The following BICD1 variants were observed in gnomAD, a reference collection of about 807,000 sequenced individuals.
The protein encoded by BICD1 is BICD cargo adaptor 1.
Under a neutral mutation model 92.5 loss-of-function variants are expected in BICD1, and 35 were observed. The ratio of observed to expected loss-of-function variants is 0.38; its 90% confidence interval spans 0.29 to 0.50. The LOEUF (loss-of-function observed/expected upper bound fraction) is 0.50. Among genes scored for constraint, BICD1 ranks in the 20% least tolerant of loss-of-function variants. BICD1 has a pLI of 0.93. For missense variants in BICD1, 950 were observed against 1,189.8 expected, an observed-to-expected ratio of 0.80 and a Z score of 2.97; for synonymous variants, 429 against 465.1, an observed-to-expected ratio of 0.92 and a Z score of 1.00.
intron 3 of BICD1, among the ~76,000 whole-genome samples, chr12:32,297,412 T>A (rs933612448): frequency 6.6e-6 from 1 of 152,130 alleles, no homozygotes; most frequent in Admixed American, 6.5e-5. Context: ...GCCCTCCCTA[T>A]GTTGCCCAGG....
chr12:32,302,931 CTT>C lies in BICD1; in HGVS notation c.580-2752_580-2751del, dbSNP rs572736411. Among the ~76,000 whole-genome samples the C allele has an allele frequency of 2.1e-4, 12 of 57,528 alleles. No homozygotes were observed. In the East Asian group the frequency reaches 2.6e-3, roughly 13 times the overall value. The allele number at this position is 57,528 out of a possible 152,430, so 37.7% of individuals were successfully genotyped here. A position where few individuals can be genotyped will look rare whatever the true frequency, so the allele number is the denominator to read the frequency against. On this transcript the variant is annotated intron_variant, in intron 3 of 9. Transcript: ENST00000652176. ...GGCATCTTTTGTACATAATGTATTT[CTT>C]TTTTTTTTTTTTTCCCTCAAGACAG...
chr12:32,182,898 T>C (rs1395951361), intron 1 of BICD1, among the ~76,000 whole-genome samples: 1 of 146,178 alleles, frequency 6.8e-6, no homozygotes. Context: ...TTCTTTTTTT[T>C]TTTTTTTTTT....
chr12:32,161,429 G>A (rs900785672), intron 1 of BICD1, among the ~76,000 whole-genome samples: 1 of 152,068 alleles, frequency 6.6e-6, no homozygotes, highest in South Asian at 2.1e-4. Flanking sequence ...TTACTTAACC[G>A]TAATTGTTGA....
intron 1 of BICD1, among the ~76,000 whole-genome samples, chr12:32,162,232 T>G (rs1943620585): frequency 6.6e-6 from 1 of 152,192 alleles, no homozygotes. Context: ...AATGTGCAGG[T>G]TTTAATATTC....
intron 1 of BICD1, among the ~76,000 whole-genome samples, chr12:32,119,675 C>G (rs946935055): frequency 6.6e-6 from 1 of 152,148 alleles, no homozygotes. Flanking sequence ...AGTTTGAGAC[C>G]AGCCTGACCA....
chr12:32,295,720 C>G (rs1485562625), intron 3 of BICD1, among the ~76,000 whole-genome samples: 1 of 148,496 alleles, frequency 6.7e-6, no homozygotes, highest in Non-Finnish European at 1.5e-5. Context: ...GTGGCATGAT[C>G]TCAGCTCACT....
At chr12:32,268,222 T>C (rs967307571) in intron 2 of BICD1, among the ~76,000 whole-genome samples, 1 of 152,214 alleles carries the variant, frequency 6.6e-6, no homozygotes, top group Non-Finnish European at 1.5e-5. Context: ...CAAAGGACAA[T>C]GAGTACAACC....
chr12:32,182,954 G>A (rs999480278), intron 1 of BICD1, among the ~76,000 whole-genome samples: 1 of 143,038 alleles, frequency 7.0e-6, no homozygotes, highest in African/African-American at 2.6e-5. Context: ...GAATGCAGTG[G>A]TGTGATCACA....
At chr12:32,183,614 A>T (rs2121526022) in intron 1 of BICD1, among the ~76,000 whole-genome samples, 1 of 152,338 alleles carries the variant, frequency 6.6e-6, no homozygotes, top group East Asian at 1.9e-4. Flanking sequence ...TGTGTGGCAG[A>T]CACAGCTGAC....
chr12:32,348,325 T>C (rs987115636), intron 8 of BICD1, among the ~76,000 whole-genome samples: 1 of 152,202 alleles, frequency 6.6e-6, no homozygotes, highest in Non-Finnish European at 1.5e-5. Context: ...CAATCCATAT[T>C]GACTATTTTA....
chr12:32,256,535 G>A (rs1030637503), intron 2 of BICD1, among the ~76,000 whole-genome samples: 1 of 152,164 alleles, frequency 6.6e-6, no homozygotes, highest in African/African-American at 2.4e-5. Flanking sequence ...AGGTTTTAAA[G>A]CCAGAAAGAT....
At chr12:32,203,077 C>T (rs1944952890) in intron 1 of BICD1, among the ~76,000 whole-genome samples, 1 of 152,134 alleles carries the variant, frequency 6.6e-6, no homozygotes, top group South Asian at 2.1e-4. Context: ...TAAGCTGGCA[C>T]TCGACATCAG....
At chr12:32,282,199 CTTCTTTTTTTT>C (rs1169251616) in intron 2 of BICD1, among the ~76,000 whole-genome samples, 3,194 of 68,920 alleles carry the variant, frequency 0.046, 162 homozygotes, top group Middle Eastern at 0.12. Flanking sequence ...TTCAGGTCTT[CTTCTTTTTTTT>C]TTTTTTTTTT....
intron 2 of BICD1, among the ~76,000 whole-genome samples, chr12:32,287,546 T>G (rs1947604085): frequency 6.9e-6 from 1 of 145,024 alleles, no homozygotes; most frequent in African/African-American, 2.5e-5. Context: ...TTTTTTTGTT[T>G]TTTTTTTTGA....
At chr12:32,241,366 T>A (rs532863702) in intron 2 of BICD1, among the ~76,000 whole-genome samples, 35 of 152,320 alleles carry the variant, frequency 2.3e-4, no homozygotes, top group African/African-American at 8.4e-4. Flanking sequence ...TTTATTCTAA[T>A]ACTAGAATGC....
intron 4 of BICD1, among the ~76,000 whole-genome samples, chr12:32,326,062 G>C (rs1433729728): frequency 2.2e-5 from 3 of 135,968 alleles, no homozygotes; most frequent in Non-Finnish European, 4.6e-5. Flanking sequence ...CAGCCTGGGA[G>C]AGAGTGAGAC....
chr12:32,356,826 T>C (rs1428940867), intron 8 of BICD1, among the ~76,000 whole-genome samples: 1 of 152,164 alleles, frequency 6.6e-6, no homozygotes, highest in Non-Finnish European at 1.5e-5. Flanking sequence ...TCTATAACTG[T>C]GCAACTTTTC....
chr12:32,142,271 T>G (rs1942948126), intron 1 of BICD1, among the ~76,000 whole-genome samples: 1 of 151,694 alleles, frequency 6.6e-6, no homozygotes, highest in African/African-American at 2.4e-5. Context: ...CCAGGTGTGG[T>G]GGCAGGCGCC....
At chr12:32,195,720 T>A (rs1156658223) in intron 1 of BICD1, among the ~76,000 whole-genome samples, 1 of 152,146 alleles carries the variant, frequency 6.6e-6, no homozygotes, top group Non-Finnish European at 1.5e-5. Flanking sequence ...GTCTTGGCAA[T>A]GATTTTTTTG....
Sources: gnomAD v4.1 joint callset for allele counts (sites outside exome capture counted in the v4.1 genomes callset) on GRCh38, gnomAD v4.1.1 for gene constraint, MANE v1.5 for transcripts, NCBI Gene and HGNC (gene_info 2026-07-23, HGNC 2026-07-21) for gene names.